Variants in CACNA1E observed in about 807,000 individuals in gnomAD.
CACNA1E encodes the protein voltage-dependent R-type calcium channel subunit alpha-1E.
Under a neutral mutation model 259.2 loss-of-function variants are expected in CACNA1E, and 40 were observed. That is an observed-to-expected ratio of 0.15 (90% CI 0.12 to 0.20). The LOEUF is 0.20. Among genes scored for constraint, CACNA1E ranks in the 10% least tolerant of loss-of-function variants. CACNA1E has a pLI of 1.00. For synonymous variants in CACNA1E, 1,104 were observed against 1,138.5 expected, an observed-to-expected ratio of 0.97 and a Z score of 0.61; for missense variants, 1,874 against 3,040.1, an observed-to-expected ratio of 0.62 and a Z score of 9.02.
chr1:181,741,252 C>T (rs1006832909), intron 25 of CACNA1E, among the ~76,000 whole-genome samples: 7 of 152,200 alleles, frequency 4.6e-5, no homozygotes, highest in South Asian at 2.1e-4. Context: ...TGGAACCAGA[C>T]GGGCTCTTGT....
At chr1:181,653,573 A>G (rs1658944836) in intron 7 of CACNA1E, among the ~76,000 whole-genome samples, 1 of 152,188 alleles carries the variant, frequency 6.6e-6, no homozygotes, top group African/African-American at 2.4e-5. Context: ...GCTCCCTCCA[A>G]GGGCTCTAAA....
In CACNA1E at chr1:181,757,137, T is replaced by C. The variant is rs780476086; in HGVS notation, c.4329+11T>C. On this transcript the variant is annotated intron_variant, in intron 30 of 47. Coordinates refer to ENST00000367573, the MANE Select transcript of CACNA1E (RefSeq NM_001205293.3). ...CTGGAGAAGAATGAGGTAATGACAATTGGTCTAAAGTGGGGAGCAGCAGAG... is the reference window on the plus strand; with the variant it reads ...CTGGAGAAGAATGAGGTAATGACAACTGGTCTAAAGTGGGGAGCAGCAGAG... 5 of 1,605,418 alleles carry C rather than the reference T, an allele frequency of 3.1e-6. No individual in the cohort carries two copies. Among genetic ancestry groups the C allele is most frequent in the African/African-American group, 1.3e-5 (1 of 74,710 alleles).
At chr1:181,449,865 C>T (rs1017605420) in intron 2 of CACNA1E, among the ~76,000 whole-genome samples, 1 of 152,064 alleles carries the variant, frequency 6.6e-6, no homozygotes, top group Non-Finnish European at 1.5e-5. Flanking sequence ...GTTATCATTG[C>T]TATGGGGAGT....
intron 1 of CACNA1E, among the ~76,000 whole-genome samples, chr1:181,486,497 A>G (rs1451916018): frequency 6.6e-6 from 1 of 152,212 alleles, no homozygotes; most frequent in African/African-American, 2.4e-5. Context: ...CTTTCTAAAC[A>G]AATAACTTCC....
chr1:181,718,220 T>C, intron 12 of CACNA1E, 53 bp downstream of exon 12: 1 of 886,200 alleles, frequency 1.1e-6, no homozygotes, highest in Non-Finnish European at 1.9e-6. Flanking sequence ...TATGCCCTGG[T>C]TTTAGATAAG....
intron 6 of CACNA1E, among the ~76,000 whole-genome samples, chr1:181,635,168 C>G (rs1412525024): frequency 6.6e-6 from 1 of 152,182 alleles, no homozygotes; most frequent in Non-Finnish European, 1.5e-5. Context: ...GTGGGAAGAT[C>G]CTCCCTTAAG....
At chr1:181,488,252 C>T (rs532090552) in intron 1 of CACNA1E, among the ~76,000 whole-genome samples, 17 of 152,220 alleles carry the variant, frequency 1.1e-4, no homozygotes, top group African/African-American at 2.4e-4. Context: ...ACTGAGGTCC[C>T]GGTAAGAATT....
chr1:181,763,136 A>T (rs1050327750), intron 33 of CACNA1E, among the ~76,000 whole-genome samples: 15 of 152,100 alleles, frequency 9.9e-5, no homozygotes, highest in Non-Finnish European at 1.9e-4. Context: ...ACTTCAGGCC[A>T]CTCAGTAGAA....
intron 1 of CACNA1E, among the ~76,000 whole-genome samples, chr1:181,386,823 C>T (rs188231487): frequency 1.3e-5 from 2 of 152,306 alleles, no homozygotes; most frequent in African/African-American, 4.8e-5. Flanking sequence ...ACACTGAAGC[C>T]TCTTGTACTG....
chr1:181,440,420 A>AG (rs35732801), intron 2 of CACNA1E, among the ~76,000 whole-genome samples: 87,370 of 151,834 alleles, frequency 0.58, 25,542 homozygotes, highest in African/African-American at 0.66. Context: ...GCTTCTGGGC[A>AG]GGGTGGCCCA....
chr1:181,403,225 C>T (rs778088569), intron 1 of CACNA1E, among the ~76,000 whole-genome samples: 6 of 150,186 alleles, frequency 4.0e-5, no homozygotes, highest in Admixed American at 6.7e-5. Flanking sequence ...AGATTTTTTT[C>T]GAGAATTAAG....
chr1:181,560,708 C>T (rs1478936928), intron 3 of CACNA1E, among the ~76,000 whole-genome samples: 1 of 152,066 alleles, frequency 6.6e-6, no homozygotes, highest in African/African-American at 2.4e-5. Flanking sequence ...AAAATTAAAC[C>T]ATATGATTCA....
At chr1:181,750,991 G>C (rs1184502172) in intron 26 of CACNA1E, among the ~76,000 whole-genome samples, 1 of 152,068 alleles carries the variant, frequency 6.6e-6, no homozygotes, top group African/African-American at 2.4e-5. Flanking sequence ...GGTGGGGTAG[G>C]GGGGTAGGTA....
At chr1:181,734,048 A>G (rs1655792586) in intron 21 of CACNA1E, among the ~76,000 whole-genome samples, 1 of 152,166 alleles carries the variant, frequency 6.6e-6, no homozygotes, top group African/African-American at 2.4e-5. Context: ...GCTTTGGTGC[A>G]TGAATATTTG....
At chr1:181,460,761 C>T (rs964050432) in intron 2 of CACNA1E, among the ~76,000 whole-genome samples, 2 of 151,336 alleles carry the variant, frequency 1.3e-5, no homozygotes, top group African/African-American at 4.8e-5. Context: ...TGTACTACTG[C>T]TTCCATTAAT....
chr1:181,416,004 T>C (rs1054832945), intron 2 of CACNA1E, among the ~76,000 whole-genome samples: 1 of 152,216 alleles, frequency 6.6e-6, no homozygotes, highest in South Asian at 2.1e-4. Flanking sequence ...AGACGGGATG[T>C]CAAGCCCAAA....
chr1:181,336,355 C>T (rs1418024452), intron 1 of CACNA1E, among the ~76,000 whole-genome samples: 1 of 152,166 alleles, frequency 6.6e-6, no homozygotes, highest in African/African-American at 2.4e-5. Flanking sequence ...AAGCCCTATA[C>T]GTGCCTCAAA....
chr1:181,450,013 C>G (rs1340143828), intron 2 of CACNA1E, among the ~76,000 whole-genome samples: 36 of 152,118 alleles, frequency 2.4e-4, no homozygotes, highest in Non-Finnish European at 5.9e-5. Context: ...ACTCACAGTT[C>G]TGCAGGCTAT....
At chr1:181,509,926 G>A (rs1295932041) in intron 1 of CACNA1E, among the ~76,000 whole-genome samples, 1 of 152,188 alleles carries the variant, frequency 6.6e-6, no homozygotes, top group Admixed American at 6.5e-5. Flanking sequence ...CTCACATGGA[G>A]AGAATTGTTT....
Sources: allele counts gnomAD v4.1 joint callset (sites outside exome capture counted in the v4.1 genomes callset), GRCh38; gene constraint gnomAD v4.1.1; transcripts MANE v1.5; gene names NCBI Gene and HGNC (gene_info 2026-07-23, HGNC 2026-07-21).